The following SUGCT variants were observed in gnomAD, a reference collection of about 807,000 sequenced individuals.
SUGCT encodes succinyl-CoA:glutarate-CoA transferase.
SUGCT carries 41 observed loss-of-function variants against 55.0 expected under a neutral mutation model. The observed-to-expected ratio is 0.74, with a 90% CI of 0.58 to 0.97. The LOEUF is 0.97. Ranked by LOEUF, SUGCT falls within the 50% of genes least tolerant of loss-of-function variation. SUGCT has a pLI of 0.00. For missense variants in SUGCT, 568 were observed against 547.8 expected (o/e 1.04, Z -0.37); for synonymous variants, 187 against 200.4 (o/e 0.93, Z 0.56).
the SUGCT span, among the ~76,000 whole-genome samples, chr7:40,964,193 A>G: frequency 6.6e-6 from 1 of 152,220 alleles, no homozygotes; most frequent in East Asian, 1.9e-4. Flanking sequence ...TTGTCTGGCT[A>G]TGCTTGAATA....
the SUGCT span, among the ~76,000 whole-genome samples, chr7:40,994,292 TCA>T: frequency 6.6e-6 from 1 of 152,168 alleles, no homozygotes; most frequent in African/African-American, 2.4e-5. Context: ...AGGATGGAGT[TCA>T]GTTTCTTCCA....
intron 9 of SUGCT, among the ~76,000 whole-genome samples, chr7:40,444,911 T>A (rs1396030647): frequency 6.6e-6 from 1 of 152,212 alleles, no homozygotes; most frequent in Non-Finnish European, 1.5e-5. Flanking sequence ...AATACCTCGT[T>A]TATTGAGAGT....
At chr7:40,306,092 C>T (rs1794839532) in intron 8 of SUGCT, among the ~76,000 whole-genome samples, 1 of 152,188 alleles carries the variant, frequency 6.6e-6, no homozygotes, top group African/African-American at 2.4e-5. Flanking sequence ...CCCTTTGGCT[C>T]TCACATTGTT....
chr7:40,689,148 C>T (rs761854231), intron 12 of SUGCT, among the ~76,000 whole-genome samples: 40 of 152,140 alleles, frequency 2.6e-4, no homozygotes, highest in Non-Finnish European at 4.9e-4. Flanking sequence ...AGCTGCAAAC[C>T]ACTACGTGTT....
intron 8 of SUGCT, among the ~76,000 whole-genome samples, chr7:40,305,313 C>T (rs1794791868): frequency 6.6e-6 from 1 of 152,188 alleles, no homozygotes; most frequent in African/African-American, 2.4e-5. Context: ...AGCATTTCTT[C>T]TTTAAATTCT....
chr7:40,758,563 C>A (rs1246756143), intron 13 of SUGCT, among the ~76,000 whole-genome samples: 1 of 151,992 alleles, frequency 6.6e-6, no homozygotes, highest in Non-Finnish European at 1.5e-5. Flanking sequence ...ATCCCCAAAC[C>A]TTCAGGATTT....
At chr7:40,731,225 A>G (rs1165130987) in intron 12 of SUGCT, among the ~76,000 whole-genome samples, 1 of 152,216 alleles carries the variant, frequency 6.6e-6, no homozygotes, top group Non-Finnish European at 1.5e-5. Context: ...TCATCTAATT[A>G]TCTTAACGAG....
At chr7:40,536,888 G>T (rs75341507) in intron 12 of SUGCT, among the ~76,000 whole-genome samples, 4,055 of 152,200 alleles carry the variant, frequency 0.027, 174 homozygotes, top group African/African-American at 0.094. Flanking sequence ...TATTCTTAAG[G>T]TCTAAGTTAT....
chr7:40,478,155 C>G (rs1439884658), intron 11 of SUGCT, among the ~76,000 whole-genome samples: 5 of 152,102 alleles, frequency 3.3e-5, no homozygotes, highest in Non-Finnish European at 4.4e-5. Context: ...GCATACGCCA[C>G]CATGCCTGGC....
At chr7:40,903,124 C>T in the SUGCT span, among the ~76,000 whole-genome samples, 174 of 151,858 alleles carry the variant, frequency 1.1e-3, no homozygotes, top group African/African-American at 3.9e-3. Context: ...CTCCGCCTCC[C>T]GGGTTCAAGT....
At position 40,847,409 on chromosome 7, in the gene SUGCT, T is replaced by C. The variant is rs148228342; in HGVS notation, c.1154-12907T>C. On this transcript the variant is annotated intron_variant, in intron 13 of 13. Transcript: ENST00000335693. ...TGACATATACATTTCTTTTCTTTCT[T>C]TCTTTTTTTTTTTTTTTTTTTTTTT... Among the ~76,000 whole-genome samples, 401 of 102,510 alleles carry C rather than the reference T, an allele frequency of 3.9e-3. 7 individuals are homozygous for C. The highest frequency in any genetic ancestry group is 4.7e-3 in the Non-Finnish European group (220 of 46,616). The allele number at this position is 102,510 out of a possible 152,430, so 67.3% of individuals were successfully genotyped here.
At chr7:40,950,474 C>T in the SUGCT span, among the ~76,000 whole-genome samples, 1 of 152,146 alleles carries the variant, frequency 6.6e-6, no homozygotes, top group African/African-American at 2.4e-5. Flanking sequence ...ATTACCCAGG[C>T]CAGAACTTCC....
the SUGCT span, among the ~76,000 whole-genome samples, chr7:40,892,319 C>T: frequency 6.6e-6 from 1 of 151,984 alleles, no homozygotes; most frequent in Non-Finnish European, 1.5e-5. Context: ...TAATGTAAGC[C>T]TCACGATAAC....
intron 9 of SUGCT, among the ~76,000 whole-genome samples, chr7:40,397,025 A>G (rs10263744): frequency 0.69 from 105,164 of 151,986 alleles, 36,777 homozygotes; most frequent in East Asian, 0.99. Context: ...AATATATATC[A>G]GATAGACCTT....
At chr7:40,567,002 G>A (rs139901417) in intron 12 of SUGCT, among the ~76,000 whole-genome samples, 2 of 152,038 alleles carry the variant, frequency 1.3e-5, no homozygotes, top group Non-Finnish European at 2.9e-5. Context: ...TTATTCCCTC[G>A]CCTGTCCCCC....
intron 9 of SUGCT, among the ~76,000 whole-genome samples, chr7:40,370,947 T>C (rs1782314836): frequency 6.6e-6 from 1 of 152,138 alleles, no homozygotes; most frequent in East Asian, 1.9e-4. Flanking sequence ...CTCTCAGTAC[T>C]GTTGTACAGG....
chr7:40,738,028 C>A lies in SUGCT; in HGVS notation c.1090-11406C>A, dbSNP rs142971254. On this transcript the variant is annotated intron_variant, in intron 12 of 13. Coordinates refer to ENST00000335693, the MANE Select transcript of SUGCT (RefSeq NM_001193313.2). ...CATCCTGGCCAACATGGTAAAACCC[C>A]GTTTCTACTAAAAATACAAAAAGCT... is the stretch of plus-strand genomic sequence containing the variant. 6.8e-3 allele frequency among the ~76,000 whole-genome samples: 1,023 copies of A among 150,832 alleles called. 12 individuals carry two copies. Among genetic ancestry groups the A allele is most frequent in the African/African-American group, 0.024 (981 of 41,092 alleles).
intron 6 of SUGCT, among the ~76,000 whole-genome samples, chr7:40,220,759 A>C (rs1025814155): frequency 6.6e-6 from 1 of 152,198 alleles, no homozygotes; most frequent in Admixed American, 6.5e-5. Flanking sequence ...ATTCTAAATT[A>C]TTTATTTTTG....
chr7:40,627,133 A>G (rs1224327595), intron 12 of SUGCT, among the ~76,000 whole-genome samples: 2 of 152,228 alleles, frequency 1.3e-5, no homozygotes. Flanking sequence ...GTCAAGACCC[A>G]TTGTTACTGG....
Sources: gnomAD v4.1 joint callset for allele counts (sites outside exome capture counted in the v4.1 genomes callset) on GRCh38, gnomAD v4.1.1 for gene constraint, MANE v1.5 for transcripts, NCBI Gene and HGNC (gene_info 2026-07-23, HGNC 2026-07-21) for gene names.